LOC131768270: variants seen among roughly 807,000 people sequenced by gnomAD.
chr5:140,568,326 A>C, the LOC131768270 span: 1 of 927,202 alleles, frequency 1.1e-6, no homozygotes, highest in Non-Finnish European at 1.6e-6. Context: ...GGGTACCCCT[A>C]GGAGATGTGA....
the LOC131768270 span, chr5:140,569,046 ATAAGATCT>A: frequency 6.0e-6 from 1 of 167,098 alleles, no homozygotes; most frequent in South Asian, 2.1e-4. Flanking sequence ...TGCATAAGCA[ATAAGATCT>A]TAATAAAGTC....
At chr5:140,565,903 T>C in the LOC131768270 span, 1 of 399,004 alleles carries the variant, frequency 2.5e-6, no homozygotes, top group Non-Finnish European at 4.4e-6. Flanking sequence ...GGACCTGGCA[T>C]TTCTCAAGAA....
the LOC131768270 span, chr5:140,564,913 C>A: frequency 4.1e-5 from 16 of 385,556 alleles, no homozygotes; most frequent in Non-Finnish European, 9.2e-6. The surrounding 1 kb of genome is among the most constrained non-coding windows in gnomAD (Gnocchi z 5.0). Context: ...TCTCCTTGAC[C>A]TTTTTAGTTC....
the LOC131768270 span, chr5:140,568,401 A>G: frequency 3.5e-6 from 2 of 578,540 alleles, no homozygotes; most frequent in South Asian, 4.3e-5. Flanking sequence ...TCCAGACTAA[A>G]GAATTAAGGT....
the LOC131768270 span, chr5:140,567,303 G>C: frequency 1.2e-6 from 2 of 1,614,140 alleles, no homozygotes; most frequent in South Asian, 2.2e-5. Flanking sequence ...GTGGACGGCC[G>C]AGTGCCCTTC....
the LOC131768270 span, chr5:140,568,065 G>A: frequency 1.5e-4 from 246 of 1,613,796 alleles, no homozygotes; most frequent in Non-Finnish European, 9.8e-5. Context: ...GTCCTGCTAC[G>A]GCTGCAGCTC....
the LOC131768270 span, chr5:140,564,992 A>G: frequency 5.0e-6 from 2 of 399,054 alleles, no homozygotes; most frequent in Non-Finnish European, 4.4e-6. The surrounding 1 kb of genome is among the most constrained non-coding windows in gnomAD (Gnocchi z 5.0). Flanking sequence ...GCTCCTGTCA[A>G]CTGCCTCAAC....
At chr5:140,568,947 C>A in the LOC131768270 span, 1 of 167,212 alleles carries the variant, frequency 6.0e-6, no homozygotes, top group Non-Finnish European at 1.5e-5. Context: ...CTAGCAGTCT[C>A]CCAGCTCCCA....
At chr5:140,566,975 C>A in the LOC131768270 span, 1 of 828,400 alleles carries the variant, frequency 1.2e-6, no homozygotes, top group Non-Finnish European at 2.0e-6. Flanking sequence ...CGCCCCAAGA[C>A]TGTGGCTTCA....
the LOC131768270 span, chr5:140,568,159 CACCCTGATTCCGG>C: frequency 6.2e-7 from 1 of 1,613,740 alleles, no homozygotes. Flanking sequence ...TGACAACTTC[CACCCTGATTCCGG>C]ACCCTGTAGA....
chr5:140,568,187 G>C, the LOC131768270 span: 1 of 1,613,112 alleles, frequency 6.2e-7, no homozygotes, highest in Admixed American at 1.7e-5. Context: ...TGTAGATTGG[G>C]CGCCACCACC....
chr5:140,565,523 G>A, the LOC131768270 span: 16 of 169,138 alleles, frequency 9.5e-5, no homozygotes, highest in East Asian at 2.6e-3. Flanking sequence ...GACTGGTCAC[G>A]ACTTTCAAGG....
the LOC131768270 span, chr5:140,565,052 G>C: frequency 2.5e-6 from 1 of 397,644 alleles, no homozygotes; most frequent in Non-Finnish European, 4.4e-6. Context: ...AGGAGCCGTG[G>C]ATCCCCCAGA....
At chr5:140,567,657 T>A in the LOC131768270 span, 3 of 1,614,062 alleles carry the variant, frequency 1.9e-6, no homozygotes, top group East Asian at 6.7e-5. Context: ...GGCCTTCAAG[T>A]TCCCGGGAAC....
the LOC131768270 span, chr5:140,566,735 G>A: frequency 2.3e-4 from 138 of 592,866 alleles, 1 homozygote; most frequent in Middle Eastern, 1.3e-3. Flanking sequence ...GGGACTATTT[G>A]CAGTTGCTAC....
At chr5:140,565,934 G>A in the LOC131768270 span, 3 of 398,810 alleles carry the variant, frequency 7.5e-6, no homozygotes, top group Admixed American at 4.4e-5. Flanking sequence ...AGCCTGCAGC[G>A]GCGTGTAGAA....
the LOC131768270 span, chr5:140,567,323 T>C: frequency 1.2e-6 from 2 of 1,614,176 alleles, no homozygotes; most frequent in Non-Finnish European, 1.7e-6. Context: ...CCGGCCCTCC[T>C]CAGCCGTGCT....
the LOC131768270 span, chr5:140,566,575 T>C: frequency 2.3e-6 from 1 of 429,190 alleles, no homozygotes; most frequent in African/African-American, 2.0e-5. Flanking sequence ...GATGGCTCGC[T>C]GTTGTCCTCC....
At chr5:140,566,365 C>T in the LOC131768270 span, among the ~76,000 whole-genome samples, 3 of 152,200 alleles carry the variant, frequency 2.0e-5, no homozygotes, top group East Asian at 5.8e-4. Flanking sequence ...GCTTTCTGAC[C>T]CCAGGGTTCT....
Sources: allele counts gnomAD v4.1 joint callset (sites outside exome capture counted in the v4.1 genomes callset), GRCh38; gene constraint gnomAD v4.1.1; non-coding constraint Gnocchi (gnomAD v3.1); transcripts MANE v1.5.